Variants in PRKCA observed in about 807,000 individuals in gnomAD.
PRKCA encodes the protein protein kinase C alpha type.
In PRKCA, 27 loss-of-function variants were observed where a neutral mutation model predicts 87.0. The ratio of observed to expected loss-of-function variants is 0.31; its 90% CI spans 0.23 to 0.43. The LOEUF (loss-of-function observed/expected upper bound fraction) is 0.43. Among genes scored for constraint, PRKCA ranks in the 20% least tolerant of loss-of-function variants. The pLI is 1.00. For synonymous variants in PRKCA, 329 were observed against 311.1 expected (o/e 1.06, Z -0.61); for missense variants, 518 against 852.3 (o/e 0.61, Z 4.88).
At chr17:66,742,389 C>T (rs1221446809) in intron 12 of PRKCA, among the ~76,000 whole-genome samples, 1 of 152,206 alleles carries the variant, frequency 6.6e-6, no homozygotes, top group Non-Finnish European at 1.5e-5. Flanking sequence ...ATCACTAGTC[C>T]AGTCGTTTAG....
intron 2 of PRKCA, among the ~76,000 whole-genome samples, chr17:66,405,598 A>G (rs1911326537): frequency 1.3e-5 from 2 of 152,270 alleles, no homozygotes; most frequent in South Asian, 4.1e-4. Flanking sequence ...AATTTCACAG[A>G]TAGAGTAGAC....
At chr17:66,549,677 T>C (rs1968266515) in intron 3 of PRKCA, among the ~76,000 whole-genome samples, 1 of 152,152 alleles carries the variant, frequency 6.6e-6, no homozygotes, top group East Asian at 1.9e-4. Context: ...TTAAAGTATT[T>C]GGTAGGAACA....
At chr17:66,705,754 C>T (rs537969017) in intron 8 of PRKCA, among the ~76,000 whole-genome samples, 6 of 152,226 alleles carry the variant, frequency 3.9e-5, no homozygotes, top group East Asian at 1.9e-4. Context: ...AAGACAGAGC[C>T]GATGTCCACT....
At chr17:66,435,505 A>G (rs552372968) in intron 2 of PRKCA, among the ~76,000 whole-genome samples, 1 of 152,300 alleles carries the variant, frequency 6.6e-6, no homozygotes, top group South Asian at 2.1e-4. Context: ...CGCCTACAAA[A>G]GGTATCTATA....
intron 2 of PRKCA, among the ~76,000 whole-genome samples, chr17:66,325,394 G>T (rs954866396): frequency 6.6e-6 from 1 of 152,150 alleles, no homozygotes; most frequent in South Asian, 2.1e-4. Context: ...GTCACGTATT[G>T]CTTTCATGGT....
At chr17:66,342,548 A>G (rs894055099) in intron 2 of PRKCA, among the ~76,000 whole-genome samples, 5 of 151,526 alleles carry the variant, frequency 3.3e-5, no homozygotes, top group Admixed American at 2.0e-4. Flanking sequence ...GAATGTAGAT[A>G]TAACTAATGC....
chr17:66,325,337 T>C (rs1905913316), intron 2 of PRKCA, among the ~76,000 whole-genome samples: 1 of 152,238 alleles, frequency 6.6e-6, no homozygotes, highest in African/African-American at 2.4e-5. Context: ...CGATGTTTAT[T>C]ACATTCAATT....
chr17:66,305,999 C>G, intron 1 of PRKCA, 97 bp from the exon 2 acceptor site: 1 of 1,098,394 alleles, frequency 9.1e-7, no homozygotes, highest in Non-Finnish European at 1.4e-6. Context: ...CACATACAAA[C>G]CTTTAGTGGT....
chr17:66,593,695 CT>C (rs1014875266), intron 3 of PRKCA, among the ~76,000 whole-genome samples: 6 of 152,204 alleles, frequency 3.9e-5, no homozygotes, highest in Admixed American at 6.5e-5. Context: ...AAGGAAACCC[CT>C]GCTTCTAGAA....
chr17:66,577,059 G>A (rs940461229), intron 3 of PRKCA, among the ~76,000 whole-genome samples: 2 of 151,998 alleles, frequency 1.3e-5, no homozygotes, highest in African/African-American at 2.4e-5. Flanking sequence ...TGGTAGAGAC[G>A]GGGTTTGGCC....
At chr17:66,722,031 C>G (rs1197531483) in intron 8 of PRKCA, among the ~76,000 whole-genome samples, 1 of 152,114 alleles carries the variant, frequency 6.6e-6, no homozygotes, top group African/African-American at 2.4e-5. Context: ...GGTTCAGTTT[C>G]TGATTCTTAA....
chr17:66,718,863 A>G (rs559712640), intron 8 of PRKCA, among the ~76,000 whole-genome samples: 1 of 152,382 alleles, frequency 6.6e-6, no homozygotes, highest in South Asian at 2.1e-4. Context: ...ACACAGCCAC[A>G]TGTGAGAAAG....
intron 2 of PRKCA, among the ~76,000 whole-genome samples, chr17:66,469,467 A>G (rs565682758): frequency 4.5e-4 from 69 of 152,364 alleles, no homozygotes; most frequent in Middle Eastern, 6.8e-3. Context: ...GACAACCACA[A>G]TATAGCACTT....
chr17:66,688,252 G>GA (rs1261238571), intron 6 of PRKCA, 50 bp from the exon 7 acceptor site: 5 of 1,603,882 alleles, frequency 3.1e-6, no homozygotes, highest in Non-Finnish European at 4.3e-6. Flanking sequence ...TATCTCCCAA[G>GA]AAACCATGAT....
chr17:66,709,301 C>CTTTTTTTTT (rs552633887), intron 8 of PRKCA, among the ~76,000 whole-genome samples: 17 of 84,904 alleles, frequency 2.0e-4, no homozygotes, highest in African/African-American at 5.3e-4. Context: ...GAGATGATTT[C>CTTTTTTTTT]TTTTTTTTTT....
intron 3 of PRKCA, among the ~76,000 whole-genome samples, chr17:66,553,733 C>T (rs560720440): frequency 3.3e-5 from 5 of 152,304 alleles, no homozygotes; most frequent in South Asian, 2.1e-4. Flanking sequence ...TTGACATGAG[C>T]GAAGCATCTT....
intron 3 of PRKCA, chr17:66,554,596 G>A: frequency 2.2e-6 from 2 of 925,458 alleles, no homozygotes; most frequent in Non-Finnish European, 2.6e-6. Context: ...TGGGTGACCT[G>A]TTAATTTTAA....
chr17:66,653,125 G>A (rs1335917375), intron 5 of PRKCA, among the ~76,000 whole-genome samples: 2 of 152,248 alleles, frequency 1.3e-5, no homozygotes, highest in African/African-American at 2.4e-5. Flanking sequence ...GCCACAGGCA[G>A]GTTCTGGGAA....
chr17:66,377,145 C>G (rs990695557), intron 2 of PRKCA, among the ~76,000 whole-genome samples: 2 of 152,142 alleles, frequency 1.3e-5, no homozygotes, highest in Non-Finnish European at 2.9e-5. Context: ...CCTGCCTCAG[C>G]CTCCCAAGTA....
Sources: allele counts gnomAD v4.1 joint callset (sites outside exome capture counted in the v4.1 genomes callset), GRCh38; gene constraint gnomAD v4.1.1; transcripts MANE v1.5; gene names NCBI Gene and HGNC (gene_info 2026-07-23, HGNC 2026-07-21).